The following ATRNL1 variants were observed in gnomAD, a reference collection of about 807,000 sequenced individuals.
ATRNL1 encodes attractin like 1, also known as attractin-like protein 1.
In ATRNL1, 95 loss-of-function variants were observed where a neutral mutation model predicts 182.7. The ratio of observed to expected loss-of-function variants is 0.52; its 90% CI spans 0.44 to 0.62. The LOEUF (loss-of-function observed/expected upper bound fraction) is 0.62, where lower values mean the gene tolerates loss of function less well. Ranked by LOEUF, ATRNL1 falls within the 20% of genes least tolerant of loss-of-function variation. The pLI, the probability that ATRNL1 is intolerant of heterozygous loss-of-function variation, is 0.00. For synonymous variants in ATRNL1, 576 were observed against 568.3 expected (o/e 1.01, Z -0.19); for missense variants, 1,471 against 1,679.5 (o/e 0.88, Z 2.17).
chr10:115,307,804 T>C (rs958431660), intron 17 of ATRNL1, among the ~76,000 whole-genome samples: 6 of 152,296 alleles, frequency 3.9e-5, no homozygotes, highest in Admixed American at 3.9e-4. Context: ...GACATTCTTG[T>C]TCAAAATACA....
intron 26 of ATRNL1, among the ~76,000 whole-genome samples, chr10:115,682,669 T>TATGGTG (rs1555045086): frequency 1.4e-4 from 21 of 150,074 alleles, no homozygotes; most frequent in African/African-American, 5.2e-4. Flanking sequence ...AGATAATACA[T>TATGGTG]ATGATGATGA....
intron 27 of ATRNL1, among the ~76,000 whole-genome samples, chr10:115,824,338 T>C (rs1248465053): frequency 1.3e-5 from 2 of 152,066 alleles, no homozygotes; most frequent in African/African-American, 4.8e-5. Flanking sequence ...GAAGAAAACC[T>C]AGGCAATACC....
intron 20 of ATRNL1, among the ~76,000 whole-genome samples, chr10:115,407,323 T>C (rs116759640): frequency 0.012 from 1,781 of 152,292 alleles, 34 homozygotes; most frequent in African/African-American, 0.04. Flanking sequence ...CATTAGAACT[T>C]ATTCCTCCTA....
At chr10:115,100,312 T>G (rs1405395847) in intron 1 of ATRNL1, among the ~76,000 whole-genome samples, 1 of 142,928 alleles carries the variant, frequency 7.0e-6, no homozygotes, top group Non-Finnish European at 1.5e-5. Flanking sequence ...AAATAAAAAA[T>G]AAAAAAAAAA....
intron 3 of ATRNL1, among the ~76,000 whole-genome samples, chr10:115,123,591 C>T (rs1260202427): frequency 6.6e-6 from 1 of 152,052 alleles, no homozygotes; most frequent in African/African-American, 2.4e-5. Flanking sequence ...CTTTAGACAC[C>T]AACTACCTGC....
At chr10:115,653,004 G>C (rs1860108893) in intron 26 of ATRNL1, among the ~76,000 whole-genome samples, 1 of 151,964 alleles carries the variant, frequency 6.6e-6, no homozygotes, top group South Asian at 2.1e-4. Context: ...TTAAATAATA[G>C]TTTTTATTTG....
At chr10:115,628,101 C>T (rs952902240) in intron 26 of ATRNL1, among the ~76,000 whole-genome samples, 5 of 149,574 alleles carry the variant, frequency 3.3e-5, no homozygotes, top group African/African-American at 7.4e-5. Flanking sequence ...GAGCCAAGAT[C>T]GCACCACTGC....
intron 1 of ATRNL1, among the ~76,000 whole-genome samples, chr10:115,113,895 C>A (rs1342155563): frequency 1.3e-5 from 2 of 152,154 alleles, no homozygotes; most frequent in African/African-American, 4.8e-5. Flanking sequence ...TAGGGATGTA[C>A]TAAATGACTG....
In ATRNL1 at chr10:115,828,092, C is replaced by T. The variant is rs528800567; in HGVS notation, c.3904-19785C>T. ...CAGCACTTTGGGAGACCGAGGTGGG[C>T]GGATCACCTGAGGTCTGGAGTTCGA... is the stretch of plus-strand genomic sequence containing the variant. On this transcript the variant is annotated intron_variant, in intron 27 of 28. Coordinates refer to ENST00000355044, the MANE Select transcript of ATRNL1 (RefSeq NM_207303.4). Among the ~76,000 whole-genome samples the T allele has an allele frequency of 6.6e-5, 10 of 152,088 alleles. No homozygotes were observed. In the South Asian group the frequency reaches 8.3e-4, roughly 13 times the overall value.
At chr10:115,811,310 T>C (rs1341479415) in intron 27 of ATRNL1, among the ~76,000 whole-genome samples, 1 of 152,018 alleles carries the variant, frequency 6.6e-6, no homozygotes, top group East Asian at 1.9e-4. Flanking sequence ...TTTTAGTTTA[T>C]TTCTATTTTG....
chr10:115,618,923 G>T (rs1857576047), intron 26 of ATRNL1, among the ~76,000 whole-genome samples: 1 of 152,160 alleles, frequency 6.6e-6, no homozygotes, highest in South Asian at 2.1e-4. Flanking sequence ...GGATGTCTGT[G>T]CATCTGGTGT....
At position 115,902,455 on chromosome 10, in the gene ATRNL1, T is replaced by G. The variant is rs566949204; in HGVS notation, c.4019-42203T>G. Among the ~76,000 whole-genome samples, 4 of 152,254 alleles carry G rather than the reference T, an allele frequency of 2.6e-5. No homozygotes were observed. In the South Asian group the frequency reaches 8.3e-4, roughly 32 times the overall value. On this transcript the variant is annotated intron_variant, in intron 28 of 28. Coordinates refer to ENST00000355044, the MANE Select transcript of ATRNL1 (RefSeq NM_207303.4). ...TGCATTCATTTATTTTTTATAGGAC[T>G]AATTAAAAAGACAAAGGGATCTATT...
intron 26 of ATRNL1, among the ~76,000 whole-genome samples, chr10:115,562,195 AG>A (rs1198639591): frequency 6.6e-6 from 1 of 152,210 alleles, no homozygotes; most frequent in Non-Finnish European, 1.5e-5. Context: ...TACATTAAAA[AG>A]GAATGAAGTA....
In ATRNL1 at chr10:115,241,686, G is replaced by A; in HGVS notation, c.1648G>A (p.Ala550Thr). The A allele has an allele frequency of 1.2e-6, 2 of 1,611,016 alleles. No homozygotes were observed. The highest frequency in any genetic ancestry group is 1.7e-6 in the Non-Finnish European group (2 of 1,177,958). The change falls in exon 10 of 29, where the codon GCA becomes ACA. Residue 550 changes from alanine to threonine, a missense_variant. This residue lies in a region of ATRNL1 where 1,031 missense variants were observed against 1,156.0 expected (regional missense o/e 0.89). Coordinates refer to ENST00000355044, the MANE Select transcript of ATRNL1 (RefSeq NM_207303.4). ...TAATGACACTTCCTTGAGTAACGGT[G>A]CAAAATGTTTTTCTGCCGATTTCCT... ...THNDTSLSNG[A>T]KCFSADFLAY...
At chr10:115,688,091 T>A (rs974932560) in intron 26 of ATRNL1, among the ~76,000 whole-genome samples, 1 of 152,252 alleles carries the variant, frequency 6.6e-6, no homozygotes. Flanking sequence ...CCTGGCTTGT[T>A]TCACTTAACA....
At chr10:115,517,768 T>C (rs180977470) in intron 24 of ATRNL1, among the ~76,000 whole-genome samples, 48 of 151,996 alleles carry the variant, frequency 3.2e-4, no homozygotes, top group Non-Finnish European at 6.6e-4. Flanking sequence ...TTCTTAATTA[T>C]TGTTTCCAGA....
chr10:115,406,017 T>C lies in ATRNL1; in HGVS notation c.3269+11265T>C, dbSNP rs545570535. 1.2e-3 allele frequency among the ~76,000 whole-genome samples: 184 copies of C among 152,014 alleles called. 2 individuals are homozygous for C. The South Asian group carries it at 0.021, about 17-fold the overall frequency. On this transcript the variant is annotated intron_variant, in intron 20 of 28. Coordinates refer to ENST00000355044, the MANE Select transcript of ATRNL1 (RefSeq NM_207303.4). Reference sequence around the variant, plus strand: ...TTCATCCATGTCCCTACAAAGGACATAAACTCATCATTTTTTACGGCTGCA... The same window carrying C: ...TTCATCCATGTCCCTACAAAGGACACAAACTCATCATTTTTTACGGCTGCA...
At chr10:115,408,770 G>C (rs1162013040) in intron 20 of ATRNL1, among the ~76,000 whole-genome samples, 2 of 152,088 alleles carry the variant, frequency 1.3e-5, no homozygotes, top group African/African-American at 4.8e-5. Flanking sequence ...GAGGGGTCTA[G>C]TTTAATTCTA....
intron 24 of ATRNL1, 29 bp downstream of exon 24, chr10:115,469,358 G>C: frequency 1.4e-6 from 2 of 1,407,434 alleles, no homozygotes; most frequent in African/African-American, 1.5e-5. Context: ...TACTTCTAAT[G>C]ACCATAATAT....
Sources: gnomAD v4.1 joint callset for allele counts (sites outside exome capture counted in the v4.1 genomes callset) on GRCh38, gnomAD v4.1.1 for gene constraint, gnomAD v4.1.1 regional missense constraint, MANE v1.5 for transcripts, NCBI Gene and HGNC (gene_info 2026-07-23, HGNC 2026-07-21) for gene names.